The following RABGGTB variants were observed in gnomAD, a reference collection of about 807,000 sequenced individuals.
RABGGTB encodes geranylgeranyl transferase type-2 subunit beta.
A neutral mutation model predicts 44.5 loss-of-function variants in RABGGTB; 20 were observed. The ratio of observed to expected loss-of-function variants is 0.45; its 90% CI spans 0.32 to 0.65. The LOEUF is 0.65. Among genes scored for constraint, RABGGTB ranks in the 30% least tolerant of loss-of-function variants. RABGGTB has a pLI of 0.05. For synonymous variants in RABGGTB, 128 were observed against 136.7 expected, an observed-to-expected ratio of 0.94 and a Z score of 0.44; for missense variants, 302 against 398.7, an observed-to-expected ratio of 0.76 and a Z score of 2.06.
intron 5 of RABGGTB, 27 bp from the exon 6 acceptor site, chr1:75,791,434 A>T: frequency 6.3e-7 from 1 of 1,584,822 alleles, no homozygotes; most frequent in Non-Finnish European, 8.6e-7. Flanking sequence ...TCTGGAATTT[A>T]ACAGGCATCT....
chr1:75,788,082 A>G (rs1259172556), intron 2 of RABGGTB: 2 of 361,332 alleles, frequency 5.5e-6, no homozygotes, highest in Non-Finnish European at 1.1e-5. Context: ...TGTAGTATCC[A>G]AACTCAGTTG....
chr1:75,794,438 G>T, intron 8 of RABGGTB, 72 bp from the exon 9 acceptor site: 3 of 1,473,242 alleles, frequency 2.0e-6, no homozygotes, highest in South Asian at 1.3e-5. Context: ...TATGGTAAAG[G>T]TCAGGTATTC....
Position 75,795,055 on chromosome 1 carries a change from C to G in RABGGTB, c.*405C>G. The G allele has an allele frequency of 3.7e-6, 1 of 272,336 alleles. No homozygotes were observed. 16.9% of individuals were successfully genotyped at this position (272,336 alleles called of 1,614,324 possible). A position where few individuals can be genotyped will look rare whatever the true frequency, so the allele number is the denominator to read the frequency against. On this transcript the variant is annotated 3_prime_UTR_variant, in exon 9 of 9. Transcript: ENST00000319942. Reference sequence around the variant, plus strand: ...ACCCATACATGAATTAAATGATGCACAAAATAAATGGCTGTTGAAATTTGG... The same window carrying G: ...ACCCATACATGAATTAAATGATGCAGAAAATAAATGGCTGTTGAAATTTGG...
At chr1:75,789,924 A>C (rs373554828) in intron 3 of RABGGTB, 28 bp from the exon 4 acceptor site, 148 of 1,512,572 alleles carry the variant, frequency 9.8e-5, no homozygotes, top group Non-Finnish European at 1.3e-4. Context: ...TGAAAGGGAC[A>C]TTTACCTAAT....
At chr1:75,790,823 C>A (rs1649628361) in intron 4 of RABGGTB, among the ~76,000 whole-genome samples, 1 of 152,074 alleles carries the variant, frequency 6.6e-6, no homozygotes, top group Non-Finnish European at 1.5e-5. Context: ...AGATGTGCAC[C>A]ACAACACCTG....
rs1649644486 is a variant in RABGGTB, at chr1:75,791,468, T to C, written c.476T>C (p.Leu159Pro). 4 of 1,612,258 alleles carry C rather than the reference T, an allele frequency of 2.5e-6. No homozygotes were observed. Among genetic ancestry groups the C allele is most frequent in the Non-Finnish European group, 3.4e-6 (4 of 1,179,456 alleles). Residue 159 changes from leucine (L) to proline (P), a missense_variant, in exon 6 of 9, where the codon CTT becomes CCT. Leu to Pro is a moderately conservative substitution (Grantham distance 98). Transcript: ENST00000319942. ...CTTTTTTTTTGTTTGTAGGGGAAGC[T>C]TGATGCTATTAATGTGGAAAAGGCA... The part of the protein sequence containing the change: ...AVATLALLGK[L>P]DAINVEKAIE...
rs774421247 is a variant in RABGGTB at position 75,790,130 on chromosome 1, T to A, written c.415+73T>A. 11 of 1,587,538 alleles carry A rather than the reference T, an allele frequency of 6.9e-6. No individual in the cohort carries two copies. The African/African-American group carries it at 1.4e-4, about 20-fold the overall frequency. Reference sequence around the variant, plus strand: ...GTACTGGTTTTGCTAGTAACCAGTTTATAAGTTTTTCATCTTTTCAGGTCC... The same window carrying A: ...GTACTGGTTTTGCTAGTAACCAGTTAATAAGTTTTTCATCTTTTCAGGTCC... On this transcript the variant is annotated intron_variant, in intron 4 of 8. Coordinates refer to ENST00000319942, the MANE Select transcript of RABGGTB (RefSeq NM_004582.4).
In RABGGTB at chr1:75,789,194, C is replaced by G. The variant is rs773290435; in HGVS notation, c.147C>G (p.Gly49=). ...TGTCTGAGTATTTGAGAATGAGTGG[C>G]ATCTATTGGGGTCTGACAGTAATGG... ...YCMSEYLRMS[G]IYWGLTVMDL... Residue 49 remains glycine, a synonymous_variant, in exon 3 of 9, where the codon GGC becomes GGG. Transcript: ENST00000319942. 1.9e-6 allele frequency: 3 copies of G among 1,613,882 alleles called. No individual in the cohort carries two copies. In the East Asian group the frequency reaches 6.7e-5, roughly 36 times the overall value.
rs147460231 is a variant in RABGGTB at position 75,792,708 on chromosome 1, G to C, written c.705+402G>C. ...TAGGTCTCTCTTATCAGGTCTGTAA[G>C]GGACAAATAGTGAATACTCATTTGC... On this transcript the variant is annotated intron_variant, in intron 7 of 8. Transcript: ENST00000319942. Among the ~76,000 whole-genome samples, 964 of 152,290 alleles carry C rather than the reference G, an allele frequency of 6.3e-3. 16 individuals carry two copies. Among genetic ancestry groups the C allele is most frequent in the Admixed American group, 0.035 (540 of 15,300 alleles).
At position 75,790,074 on chromosome 1, in the gene RABGGTB, T is replaced by G. The variant is rs935217806; in HGVS notation, c.415+17T>G. 1 of 1,610,982 alleles carries G rather than the reference T, an allele frequency of 6.2e-7. No homozygotes were observed. Among genetic ancestry groups the G allele is most frequent in the Middle Eastern group, 1.7e-4 (1 of 6,050 alleles). ...ATATTTGGGGTAATGTCAGATTTAG[T>G]CCATTCTACCCAAAATACCAATATT... is the stretch of plus-strand genomic sequence containing the variant. On this transcript the variant is annotated intron_variant, in intron 4 of 8. Transcript: ENST00000319942.
At position 75,792,675 on chromosome 1, in the gene RABGGTB, C is replaced by T. The variant is rs542449809; in HGVS notation, c.705+369C>T. Among the ~76,000 whole-genome samples the T allele has an allele frequency of 4.9e-4, 74 of 152,090 alleles. 1 individual carries two copies. Among genetic ancestry groups the T allele is most frequent in the East Asian group, 1.9e-4 (1 of 5,186 alleles). On this transcript the variant is annotated intron_variant, in intron 7 of 8. Coordinates refer to ENST00000319942, the MANE Select transcript of RABGGTB (RefSeq NM_004582.4). ...GGAGAGAAGATTATTAAATTTTCCT[C>T]CACATAATAGGTCTCTCTTATCAGG...
In RABGGTB at chr1:75,795,053, C is replaced by T. The variant is rs1225713780; in HGVS notation, c.*403C>T. 7.3e-6 allele frequency: 2 copies of T among 273,004 alleles called. No homozygotes were observed. The highest frequency in any genetic ancestry group is 2.3e-5 in the African/African-American group (1 of 44,064). 16.9% of individuals were successfully genotyped at this position (273,004 alleles called of 1,614,324 possible). On this transcript the variant is annotated 3_prime_UTR_variant, in exon 9 of 9. Transcript: ENST00000319942. ...GAACCCATACATGAATTAAATGATG[C>T]ACAAAATAAATGGCTGTTGAAATTT...
intron 1 of RABGGTB, 101 bp from the exon 2 acceptor site, chr1:75,787,396 T>C (rs1570926995): frequency 1.1e-6 from 1 of 874,824 alleles, no homozygotes; most frequent in Non-Finnish European, 1.8e-6. Context: ...TATTACAAGA[T>C]GAAATCAAGT....
chr1:75,792,831 CT>C (rs1214521680), intron 7 of RABGGTB, among the ~76,000 whole-genome samples: 1 of 152,052 alleles, frequency 6.6e-6, no homozygotes, highest in Non-Finnish European at 1.5e-5. Flanking sequence ...GATGGATATA[CT>C]TGTATTTCCT....
intron 2 of RABGGTB, 68 bp from the exon 3 acceptor site, chr1:75,789,091 G>A: frequency 7.1e-7 from 1 of 1,418,166 alleles, no homozygotes; most frequent in Middle Eastern, 1.9e-4. Context: ...AGTTACCTTT[G>A]TGTTTAATCT....
At position 75,787,505 on chromosome 1, in the gene RABGGTB, A is replaced by G; in HGVS notation, c.12A>G (p.Pro4=). Residue 4 remains proline (P), a synonymous_variant, in exon 2 of 9, where the codon CCA becomes CCG. Coordinates refer to ENST00000319942, the MANE Select transcript of RABGGTB (RefSeq NM_004582.4). MGT[P]QKDVIIKSDA... is the part of the protein sequence containing the mutation. ...CCACTTTATTTTGAAAGGGCACTCCACAGAAGGATGTTATTATCAAGTCAG... is the reference window on the plus strand; with the variant it reads ...CCACTTTATTTTGAAAGGGCACTCCGCAGAAGGATGTTATTATCAAGTCAG... The G allele has an allele frequency of 6.2e-7, 1 of 1,613,416 alleles. No individual in the cohort carries two copies. Among genetic ancestry groups the G allele is most frequent in the Non-Finnish European group, 8.5e-7 (1 of 1,179,330 alleles).
chr1:75,793,823 A>G (rs986127482), intron 7 of RABGGTB: 1 of 349,064 alleles, frequency 2.9e-6, no homozygotes, highest in Non-Finnish European at 5.1e-6. Context: ...ATGCATGCTT[A>G]TCAGTGAGTA....
At chr1:75,787,843 G>A (rs1343931212) in intron 2 of RABGGTB, 2 of 696,558 alleles carry the variant, frequency 2.9e-6, no homozygotes, top group Non-Finnish European at 5.3e-6. Context: ...AGGGTTTGAG[G>A]TACAAAACGG....
chr1:75,786,972 T>A, intron 1 of RABGGTB: 1 of 417,328 alleles, frequency 2.4e-6, no homozygotes, highest in Non-Finnish European at 4.7e-6. Context: ...AACCGTAAGT[T>A]GTCCTGAAAT....
Sources: gnomAD v4.1 joint callset for allele counts (sites outside exome capture counted in the v4.1 genomes callset) on GRCh38, gnomAD v4.1.1 for gene constraint, MANE v1.5 for transcripts, NCBI Gene and HGNC (gene_info 2026-07-23, HGNC 2026-07-21) for gene names.